GRM3: variants seen among roughly 807,000 people sequenced by gnomAD.
The protein encoded by GRM3 is glutamate metabotropic receptor 3.
In GRM3, 26 loss-of-function variants were observed where a neutral mutation model predicts 70.5. The ratio of observed to expected loss-of-function variants is 0.37; its 90% CI spans 0.27 to 0.51. The LOEUF is 0.51. Among genes scored for constraint, GRM3 ranks in the 20% least tolerant of loss-of-function variants. GRM3 has a pLI of 0.93. For missense variants in GRM3, 859 were observed against 1,123.8 expected (o/e 0.76, Z 3.37); for synonymous variants, 443 against 434.9 (o/e 1.02, Z -0.23).
intron 2 of GRM3, among the ~76,000 whole-genome samples, chr7:86,778,188 A>G (rs1796945108): frequency 6.6e-6 from 1 of 152,206 alleles, no homozygotes; most frequent in African/African-American, 2.4e-5. Context: ...TATTTTTTAA[A>G]TGTATATAGT....
At chr7:86,702,970 G>T (rs1202173403) in intron 1 of GRM3, among the ~76,000 whole-genome samples, 1 of 151,888 alleles carries the variant, frequency 6.6e-6, no homozygotes, top group Admixed American at 6.6e-5. Flanking sequence ...TTTCCCACAA[G>T]CTGTATAAAC....
intron 5 of GRM3, among the ~76,000 whole-genome samples, chr7:86,857,577 A>G (rs1798874408): frequency 6.6e-6 from 1 of 152,202 alleles, no homozygotes; most frequent in Non-Finnish European, 1.5e-5. Context: ...CTGATACTGT[A>G]CATAACTTAA....
chr7:86,765,099 C>T lies in GRM3; in HGVS notation c.-47C>T. 6.6e-7 allele frequency: 1 copy of T among 1,523,086 alleles called. No individual in the cohort carries two copies. The highest frequency in any genetic ancestry group is 8.8e-7 in the Non-Finnish European group (1 of 1,142,486). 94.3% of individuals were successfully genotyped at this position (1,523,086 alleles called of 1,614,324 possible). A position where few individuals can be genotyped will look rare whatever the true frequency, so the allele number is the denominator to read the frequency against. On this transcript the variant is annotated 5_prime_UTR_variant, in exon 2 of 6. Coordinates refer to ENST00000361669, the MANE Select transcript of GRM3 (RefSeq NM_000840.3). The stretch of plus-strand genomic sequence containing the variant: ...GAAATGAGAGAGGACTAGCATGACA[C>T]ATTGGCTCCACCATTGATATCTCCC...
chr7:86,699,669 C>T (rs1021990764), intron 1 of GRM3, among the ~76,000 whole-genome samples: 2 of 151,908 alleles, frequency 1.3e-5, no homozygotes, highest in African/African-American at 4.8e-5. Flanking sequence ...TAAATTATAC[C>T]TTCTATCACA....
intron 3 of GRM3, among the ~76,000 whole-genome samples, chr7:86,802,445 T>A (rs928851159): frequency 2.6e-5 from 4 of 152,188 alleles, no homozygotes; most frequent in African/African-American, 9.7e-5. Context: ...TTAGTTGTTA[T>A]AATGTAATTG....
At chr7:86,776,213 T>C (rs1796887615) in intron 2 of GRM3, among the ~76,000 whole-genome samples, 1 of 152,144 alleles carries the variant, frequency 6.6e-6, no homozygotes, top group Admixed American at 6.6e-5. Flanking sequence ...TTTACATGAC[T>C]TCATAAACCA....
rs78777571 is a variant in GRM3 at position 86,712,015 on chromosome 7, T to A, written c.-140-52991T>A. Among the ~76,000 whole-genome samples, 9 of 152,206 alleles carry A rather than the reference T, an allele frequency of 5.9e-5. No individual in the cohort carries two copies. In the East Asian group the frequency reaches 1.7e-3, roughly 29 times the overall value. ...AGAATTCACCTCCTACAAAACCTGT[T>A]TCTACTTTTGTATGCTCTTTCTGTT... On this transcript the variant is annotated intron_variant, in intron 1 of 5. Coordinates refer to ENST00000361669, the MANE Select transcript of GRM3 (RefSeq NM_000840.3).
At chr7:86,819,666 C>A (rs1477202172) in intron 3 of GRM3, among the ~76,000 whole-genome samples, 1 of 152,140 alleles carries the variant, frequency 6.6e-6, no homozygotes, top group Non-Finnish European at 1.5e-5. Context: ...GCAATTTCTG[C>A]AGTGCAGTTT....
chr7:86,653,708 T>A (rs147483633), intron 1 of GRM3, among the ~76,000 whole-genome samples: 4,950 of 151,870 alleles, frequency 0.033, 111 homozygotes, highest in Non-Finnish European at 0.047. Context: ...ATTAATATAT[T>A]AGAAAGAGAA....
At chr7:86,803,716 G>T (rs1168146422) in intron 3 of GRM3, among the ~76,000 whole-genome samples, 1 of 152,120 alleles carries the variant, frequency 6.6e-6, no homozygotes, top group South Asian at 2.1e-4. Flanking sequence ...TGCAGGCACA[G>T]CCCTTTTTTC....
At position 86,675,956 on chromosome 7, in the gene GRM3, G is replaced by T. The variant is rs573202247; in HGVS notation, c.-141+31084G>T. ...TGTTAATTCTTTCAATAATAAGAAA[G>T]ATGTGAGAGATAAGTGGAAAGAAAC... On this transcript the variant is annotated intron_variant, in intron 1 of 5. Transcript: ENST00000361669. 9.2e-5 allele frequency among the ~76,000 whole-genome samples: 14 copies of T among 151,972 alleles called. No individual in the cohort carries two copies. The South Asian group carries it at 1.7e-3, about 18-fold the overall frequency.
chr7:86,704,735 C>T (rs894778197), intron 1 of GRM3, among the ~76,000 whole-genome samples: 1 of 151,814 alleles, frequency 6.6e-6, no homozygotes, highest in African/African-American at 2.4e-5. Flanking sequence ...AAACCTAGGC[C>T]TCTGAATACA....
Position 86,786,047 on chromosome 7 carries a change from C to G in GRM3, c.469-214C>G, listed in dbSNP as rs1241040893. 1 of 579,898 alleles carries G rather than the reference C, an allele frequency of 1.7e-6. No homozygotes were observed. Among genetic ancestry groups the G allele is most frequent in the Non-Finnish European group, 3.1e-6 (1 of 319,852 alleles). 35.9% of individuals were successfully genotyped at this position (579,898 alleles called of 1,614,324 possible). A position where few individuals can be genotyped will look rare whatever the true frequency, so the allele number is the denominator to read the frequency against. ...TTCTCTACTCTGCCCTTTCCTGAAG[C>G]ACACACTACCTGTGTGAGACCTGCT... On this transcript the variant is annotated intron_variant, in intron 2 of 5. Transcript: ENST00000361669. This position sits in a 1 kb window ranked among gnomAD's most constrained non-coding sequence, Gnocchi z 6.0.
In GRM3 at chr7:86,860,311, G is replaced by C. The variant is rs144194386; in HGVS notation, c.2567-3971G>C. 8.5e-5 allele frequency among the ~76,000 whole-genome samples: 13 copies of C among 152,194 alleles called. No homozygotes were observed. In the East Asian group the frequency reaches 2.5e-3, roughly 29 times the overall value. On this transcript the variant is annotated intron_variant, in intron 5 of 5. Transcript: ENST00000361669. ...GTGAATAACAGACGGGCTAATACAG[G>C]AGGCATATGTAAAATATTTATGAAA... is the stretch of plus-strand genomic sequence containing the variant.
chr7:86,673,750 C>G (rs1460413258), intron 1 of GRM3, among the ~76,000 whole-genome samples: 3 of 152,146 alleles, frequency 2.0e-5, no homozygotes, highest in Non-Finnish European at 4.4e-5. Context: ...CATTCTCTCT[C>G]TAATACGCTC....
At chr7:86,772,933 A>G (rs1796783556) in intron 2 of GRM3, among the ~76,000 whole-genome samples, 1 of 152,070 alleles carries the variant, frequency 6.6e-6, no homozygotes, top group Non-Finnish European at 1.5e-5. Context: ...GTGCAGACTG[A>G]CTAGGATTCA....
intron 3 of GRM3, among the ~76,000 whole-genome samples, chr7:86,823,990 G>A (rs1356592137): frequency 1.3e-5 from 2 of 152,184 alleles, no homozygotes; most frequent in Non-Finnish European, 2.9e-5. Context: ...TGGAGCAGGG[G>A]CAGAGCTGCT....
intron 1 of GRM3, chr7:86,709,988 T>A (rs1795155627): frequency 1.3e-5 from 2 of 152,102 alleles, no homozygotes; most frequent in Non-Finnish European, 2.9e-5. Flanking sequence ...TATGATGGCA[T>A]GTCTTGCTAT....
At chr7:86,829,959 T>C (rs1026741972) in intron 3 of GRM3, among the ~76,000 whole-genome samples, 1 of 152,168 alleles carries the variant, frequency 6.6e-6, no homozygotes, top group Non-Finnish European at 1.5e-5. Context: ...TAAAGCAAAG[T>C]ACAATAAAAT....
Sources: allele counts gnomAD v4.1 joint callset (sites outside exome capture counted in the v4.1 genomes callset), GRCh38; gene constraint gnomAD v4.1.1; non-coding constraint Gnocchi (gnomAD v3.1); transcripts MANE v1.5; gene names NCBI Gene and HGNC (gene_info 2026-07-23, HGNC 2026-07-21).